SAR1B: variants seen among roughly 807,000 people sequenced by gnomAD.
SAR1B encodes the protein small COPII coat GTPase SAR1B.
In SAR1B, 23 loss-of-function variants were observed where a neutral mutation model predicts 26.8. The observed-to-expected ratio is 0.86, with a 90% CI of 0.62 to 1.22. The LOEUF (loss-of-function observed/expected upper bound fraction) is 1.22. Ranked by LOEUF, SAR1B falls within the 50% of genes most tolerant of loss-of-function variation. SAR1B has a pLI of 0.00. For synonymous variants in SAR1B, 65 were observed against 80.8 expected, an observed-to-expected ratio of 0.80 and a Z score of 1.05; for missense variants, 196 against 232.8, an observed-to-expected ratio of 0.84 and a Z score of 1.03.
At position 134,622,542 on chromosome 5, in the gene SAR1B, C is replaced by T. The variant is rs188958076; in HGVS notation, c.58+1420G>A. On this transcript the variant is annotated intron_variant, in intron 2 of 6. Transcript: ENST00000402673. ...TCTCCTGCCTCAGCCTCCCAAGTAG[C>T]TGGGACTACAGGCGCGTGCCACCAT... 9.2e-5 allele frequency among the ~76,000 whole-genome samples: 14 copies of T among 151,392 alleles called. 1 individual carries two copies. The East Asian group carries it at 2.8e-3, about 30-fold the overall frequency.
At chr5:134,618,814 A>G (rs1301825127) in intron 3 of SAR1B, among the ~76,000 whole-genome samples, 3 of 152,048 alleles carry the variant, frequency 2.0e-5, no homozygotes, top group Non-Finnish European at 2.9e-5. Context: ...CCTGGCCAAC[A>G]TGGCGAAACC....
intron 2 of SAR1B, among the ~76,000 whole-genome samples, chr5:134,622,731 T>C (rs1765430915): frequency 6.6e-6 from 1 of 151,436 alleles, no homozygotes; most frequent in Non-Finnish European, 1.5e-5. Flanking sequence ...TAACTATTGC[T>C]TCATATATAA....
At position 134,627,698 on chromosome 5, in the gene SAR1B, C is replaced by T. The variant is rs1442453311; in HGVS notation, c.-18-3661G>A. ...CCTGTAGTCCCAGCTGCTCGGGAGG[C>T]TGAGGCAGGAGAATGGCGTGAAACC... On this transcript the variant is annotated intron_variant, in intron 1 of 6. Transcript: ENST00000402673. Among the ~76,000 whole-genome samples, 4 of 151,868 alleles carry T rather than the reference C, an allele frequency of 2.6e-5. No individual in the cohort carries two copies. The East Asian group carries it at 7.8e-4, about 30-fold the overall frequency.
intron 3 of SAR1B, 134 bp from the exon 4 acceptor site, chr5:134,612,890 C>A (rs1303145205): frequency 1.2e-5 from 9 of 765,570 alleles, no homozygotes; most frequent in East Asian, 2.7e-5. Flanking sequence ...CTCTTAGAAG[C>A]AAAATTGATT....
At chr5:134,611,963 GACAA>G (rs1241316875) in intron 4 of SAR1B, among the ~76,000 whole-genome samples, 1 of 152,118 alleles carries the variant, frequency 6.6e-6, no homozygotes. Context: ...AGGAGTTGGA[GACAA>G]GCCTGGGCAA....
Position 134,601,450 on chromosome 5 carries a change from C to T in SAR1B, c.*5500G>A, listed in dbSNP as rs1765032774. On this transcript the variant is annotated 3_prime_UTR_variant, in exon 7 of 7. Transcript: ENST00000402673. ...TGATTAACAACTTACCATCAATATA[C>T]CACTTCAACATACTTTACATTCAGC... 1 of 152,142 alleles carries T rather than the reference C, an allele frequency of 6.6e-6. No homozygotes were observed. Among genetic ancestry groups the T allele is most frequent in the South Asian group, 2.1e-4 (1 of 4,824 alleles). The allele number at this position is 152,142 out of a possible 1,614,324, so 9.4% of individuals were successfully genotyped here. A position where few individuals can be genotyped will look rare whatever the true frequency, so the allele number is the denominator to read the frequency against.
At position 134,606,961 on chromosome 5, in the gene SAR1B, ACTGTG is replaced by A; in HGVS notation, c.581_585del (p.Ala194ValfsTer3). 5.0e-6 allele frequency: 8 copies of A among 1,609,850 alleles called. No individual in the cohort carries two copies. The highest frequency in any genetic ancestry group is 6.0e-6 in the Non-Finnish European group (7 of 1,176,078). ...AATGTGAGTTTGTGTTAATCAATGT[ACTGTG>A]CCATCCAGCGGAAGCCTTCTCCGTA... On this transcript the variant is annotated frameshift_variant, in exon 7 of 7. Transcript: ENST00000402673. LOFTEE classifies it high-confidence loss of function.
chr5:134,613,625 G>C (rs1004805127), intron 3 of SAR1B: 2 of 152,018 alleles, frequency 1.3e-5, no homozygotes, highest in Admixed American at 1.3e-4. Context: ...AATCTCTTCA[G>C]ACAATTATTT....
In SAR1B at chr5:134,606,945, T is replaced by C. The variant is rs752060428; in HGVS notation, c.*5A>G. 2.5e-6 allele frequency: 4 copies of C among 1,587,492 alleles called. No homozygotes were observed. The highest frequency in any genetic ancestry group is 2.2e-5 in the East Asian group (1 of 44,728). On this transcript the variant is annotated 3_prime_UTR_variant, in exon 7 of 7. Coordinates refer to ENST00000402673, the MANE Select transcript of SAR1B (RefSeq NM_016103.4). ...GTTGAGACCTGGAACCAATGTGAGT[T>C]TGTGTTAATCAATGTACTGTGCCAT...
chr5:134,621,173 T>C, intron 2 of SAR1B, 121 bp from the exon 3 acceptor site: 1 of 1,156,130 alleles, frequency 8.6e-7, no homozygotes, highest in Non-Finnish European at 1.2e-6. Context: ...AAAAAGCTAT[T>C]TTAAATCTAT....
chr5:134,617,217 G>A (rs950332729), intron 3 of SAR1B, among the ~76,000 whole-genome samples: 3 of 151,798 alleles, frequency 2.0e-5, no homozygotes, highest in African/African-American at 4.8e-5. Flanking sequence ...GGGCCACAGA[G>A]TGAGACACTG....
chr5:134,614,976 T>C (rs1236553415), intron 3 of SAR1B: 3 of 152,226 alleles, frequency 2.0e-5, no homozygotes, highest in Non-Finnish European at 2.9e-5. Flanking sequence ...TACTCACTTA[T>C]GGCCAAAAGC....
intron 1 of SAR1B, among the ~76,000 whole-genome samples, chr5:134,627,340 C>T (rs1318730144): frequency 4.0e-5 from 6 of 150,984 alleles, no homozygotes; most frequent in African/African-American, 1.5e-4. Flanking sequence ...CGTGAGCCAC[C>T]GCGCCCCGCC....
rs552219727 is a variant in SAR1B at position 134,606,656 on chromosome 5, C to T, written c.*294G>A. On this transcript the variant is annotated 3_prime_UTR_variant, in exon 7 of 7. Transcript: ENST00000402673. ...TATAGTTTCATGTTGTTAAAAAGTG[C>T]TTCAAATGTACTGCTGGAAAGTTGC... 4 of 327,990 alleles carry T rather than the reference C, an allele frequency of 1.2e-5. No individual in the cohort carries two copies. The highest frequency in any genetic ancestry group is 8.4e-5 in the African/African-American group (4 of 47,408). The allele number at this position is 327,990 out of a possible 1,614,324, so 20.3% of individuals were successfully genotyped here.
At chr5:134,607,182 TG>T in intron 6 of SAR1B, 116 bp from the exon 7 acceptor site, 1 of 794,014 alleles carries the variant, frequency 1.3e-6, no homozygotes, top group Non-Finnish European at 2.2e-6. Context: ...AATCCATGAC[TG>T]TGATAAAGTC....
rs751094888 is a variant in SAR1B at position 134,604,960 on chromosome 5, T to A, written c.*1990A>T. 7.9e-5 allele frequency: 12 copies of A among 152,170 alleles called. No individual in the cohort carries two copies. Among genetic ancestry groups the A allele is most frequent in the Non-Finnish European group, 1.6e-4 (11 of 68,032 alleles). The allele number at this position is 152,170 out of a possible 1,614,324, so 9.4% of individuals were successfully genotyped here. ...AAACCTATCTGGAAGAAGAAATCAA[T>A]AGGCTGCAATGTCATGTTCTACTTT... On this transcript the variant is annotated 3_prime_UTR_variant, in exon 7 of 7. Coordinates refer to ENST00000402673, the MANE Select transcript of SAR1B (RefSeq NM_016103.4).
At chr5:134,625,155 G>T (rs1765474663) in intron 1 of SAR1B, among the ~76,000 whole-genome samples, 1 of 152,136 alleles carries the variant, frequency 6.6e-6, no homozygotes, top group Admixed American at 6.6e-5. Flanking sequence ...AAGTGAAAGG[G>T]TATAGAGAAT....
At chr5:134,621,184 TC>T in intron 2 of SAR1B, 132 bp from the exon 3 acceptor site, 1 of 1,041,726 alleles carries the variant, frequency 9.6e-7, no homozygotes, top group South Asian at 1.4e-5. Flanking sequence ...TTAAATCTAT[TC>T]ATGGCCGGGC....
At chr5:134,607,290 GCT>G (rs1765144274) in intron 6 of SAR1B, among the ~76,000 whole-genome samples, 1 of 152,100 alleles carries the variant, frequency 6.6e-6, no homozygotes, top group Admixed American at 6.6e-5. Flanking sequence ...AAAGAGGTTA[GCT>G]TGCAAGATAC....
Sources: gnomAD v4.1 joint callset for allele counts (sites outside exome capture counted in the v4.1 genomes callset) on GRCh38, gnomAD v4.1.1 for gene constraint, MANE v1.5 for transcripts, NCBI Gene and HGNC (gene_info 2026-07-23, HGNC 2026-07-21) for gene names.